The following ADAM12 variants were observed in gnomAD, a reference collection of about 807,000 sequenced individuals.
ADAM12 encodes disintegrin and metalloproteinase domain-containing protein 12.
Under a neutral mutation model 106.4 loss-of-function variants are expected in ADAM12, and 70 were observed. The ratio of observed to expected loss-of-function variants is 0.66; its 90% CI spans 0.54 to 0.80. The LOEUF is 0.80. Ranked by LOEUF, ADAM12 falls within the 30% of genes least tolerant of loss-of-function variation. The pLI is 0.00. For missense variants in ADAM12, 1,010 were observed against 1,171.9 expected (o/e 0.86, Z 2.02); for synonymous variants, 420 against 433.5 (o/e 0.97, Z 0.39).
At chr10:126,156,763 G>A (rs1956823835) in intron 3 of ADAM12, among the ~76,000 whole-genome samples, 1 of 152,328 alleles carries the variant, frequency 6.6e-6, no homozygotes, top group Admixed American at 6.5e-5. Flanking sequence ...AGTCGGCCAG[G>A]CCCAGGACAG....
intron 5 of ADAM12, among the ~76,000 whole-genome samples, chr10:126,120,964 A>ATATATTACATATGTAATATAATATAT (rs1956077454): frequency 7.6e-6 from 1 of 132,312 alleles, no homozygotes; most frequent in Non-Finnish European, 1.5e-5. Flanking sequence ...AATATATATT[A>ATATATTACATATGTAATATAATATAT]TATATTACAT....
At chr10:126,193,944 A>AAAATG (rs1463993699) in intron 3 of ADAM12, among the ~76,000 whole-genome samples, 33 of 148,786 alleles carry the variant, frequency 2.2e-4, no homozygotes, top group African/African-American at 8.4e-4. Flanking sequence ...AAAATAAAAT[A>AAAATG]AACATGTGAG....
chr10:126,292,217 C>T (rs974828710), intron 2 of ADAM12, among the ~76,000 whole-genome samples: 6 of 152,106 alleles, frequency 3.9e-5, no homozygotes, highest in African/African-American at 1.4e-4. Flanking sequence ...ACATTTCTCC[C>T]GACTCCCCCG....
chr10:126,360,638 T>C (rs1855709611), intron 1 of ADAM12, among the ~76,000 whole-genome samples: 1 of 152,220 alleles, frequency 6.6e-6, no homozygotes, highest in Non-Finnish European at 1.5e-5. Flanking sequence ...CATATCACTA[T>C]CAGCATTTTG....
At chr10:126,258,873 C>T (rs1001347733) in intron 3 of ADAM12, among the ~76,000 whole-genome samples, 1 of 152,166 alleles carries the variant, frequency 6.6e-6, no homozygotes, top group African/African-American at 2.4e-5. Context: ...CAGCATAATC[C>T]ATTATTTGTA....
At chr10:126,240,073 C>T (rs1481407784) in intron 3 of ADAM12, among the ~76,000 whole-genome samples, 2 of 152,192 alleles carry the variant, frequency 1.3e-5, no homozygotes. Flanking sequence ...TGTAGCATTG[C>T]GTCTACACTG....
chr10:126,267,612 G>A (rs1408705960), intron 3 of ADAM12, among the ~76,000 whole-genome samples: 1 of 152,152 alleles, frequency 6.6e-6, no homozygotes, highest in East Asian at 1.9e-4. Context: ...TGATCTGACA[G>A]GGGGCGGAGC....
Position 126,376,459 on chromosome 10 carries a change from G to A in ADAM12, c.88+11599C>T, listed in dbSNP as rs150623398. Among the ~76,000 whole-genome samples, 1,133 of 152,232 alleles carry A rather than the reference G, an allele frequency of 7.4e-3. 15 individuals are homozygous for A. The highest frequency in any genetic ancestry group is 0.024 in the African/African-American group (1,016 of 41,542). On this transcript the variant is annotated intron_variant, in intron 1 of 22. Coordinates refer to ENST00000448723, the MANE Select transcript of ADAM12 (RefSeq NM_001288973.2). ...TTGATTGCAGTCTGTCTACTTCTGTGTATGTTTAAAAATTTCATATTAAAA... is the reference window on the plus strand; with the variant it reads ...TTGATTGCAGTCTGTCTACTTCTGTATATGTTTAAAAATTTCATATTAAAA...
chr10:126,144,438 G>A (rs1391621536), intron 4 of ADAM12, among the ~76,000 whole-genome samples: 1 of 152,098 alleles, frequency 6.6e-6, no homozygotes, highest in African/African-American at 2.4e-5. Flanking sequence ...TTTTCCACTT[G>A]CTATTTTCTT....
At chr10:126,351,004 C>G (rs1449071246) in intron 1 of ADAM12, among the ~76,000 whole-genome samples, 1 of 152,312 alleles carries the variant, frequency 6.6e-6, no homozygotes, top group Middle Eastern at 3.4e-3. Context: ...GGCCATGTTC[C>G]CCCACCACAG....
At chr10:126,268,112 G>T (rs1313610062) in intron 3 of ADAM12, among the ~76,000 whole-genome samples, 3 of 152,002 alleles carry the variant, frequency 2.0e-5, no homozygotes, top group African/African-American at 4.8e-5. Flanking sequence ...CCCACCAAAC[G>T]CCTCACTCCC....
At chr10:126,373,837 C>T (rs1391149827) in intron 1 of ADAM12, among the ~76,000 whole-genome samples, 2 of 152,160 alleles carry the variant, frequency 1.3e-5, no homozygotes, top group Non-Finnish European at 2.9e-5. Context: ...CCAGAGCATC[C>T]ACCCACTGCC....
intron 3 of ADAM12, among the ~76,000 whole-genome samples, chr10:126,261,805 T>A (rs1268872026): frequency 5.0e-4 from 1 of 1,992 alleles, no homozygotes; most frequent in Non-Finnish European, 0.083. Flanking sequence ...TGGATAGTAT[T>A]TTTTTTTTTT....
intron 1 of ADAM12, among the ~76,000 whole-genome samples, chr10:126,367,621 A>G (rs1855958052): frequency 6.6e-6 from 1 of 151,974 alleles, no homozygotes; most frequent in Non-Finnish European, 1.5e-5. Context: ...GTTTGCAAAT[A>G]TTGATAAAAT....
intron 3 of ADAM12, among the ~76,000 whole-genome samples, chr10:126,173,122 G>C (rs1196923069): frequency 1.3e-5 from 2 of 152,166 alleles, no homozygotes; most frequent in African/African-American, 2.4e-5. Flanking sequence ...GGGAGGCTAG[G>C]GGAGGGATAG....
intron 2 of ADAM12, among the ~76,000 whole-genome samples, chr10:126,325,041 G>A (rs1051769094): frequency 1.1e-4 from 17 of 152,054 alleles, no homozygotes; most frequent in Non-Finnish European, 2.2e-4. Context: ...ATCACCAGCG[G>A]GACCCTTCAT....
chr10:126,350,053 AAG>A (rs1459054971), intron 1 of ADAM12, among the ~76,000 whole-genome samples: 1 of 152,156 alleles, frequency 6.6e-6, no homozygotes, highest in Non-Finnish European at 1.5e-5. Context: ...GCTTCCATCT[AAG>A]AGAGAGTTGA....
chr10:126,314,063 G>T (rs1420883185), intron 2 of ADAM12, among the ~76,000 whole-genome samples: 1 of 151,952 alleles, frequency 6.6e-6, no homozygotes, highest in Non-Finnish European at 1.5e-5. Context: ...CATTCCCAGG[G>T]CTCTCCTGGA....
intron 4 of ADAM12, among the ~76,000 whole-genome samples, chr10:126,146,833 G>A (rs550860018): frequency 3.3e-5 from 5 of 152,230 alleles, no homozygotes; most frequent in East Asian, 1.9e-4. Flanking sequence ...TAGTCACTGC[G>A]CACCTGCAAC....
Sources: gnomAD v4.1 joint callset for allele counts (sites outside exome capture counted in the v4.1 genomes callset) on GRCh38, gnomAD v4.1.1 for gene constraint, MANE v1.5 for transcripts, NCBI Gene and HGNC (gene_info 2026-07-23, HGNC 2026-07-21) for gene names.